Variants in CFAP77 observed in about 807,000 individuals in gnomAD.
The protein encoded by CFAP77 is cilia- and flagella-associated protein 77.
In CFAP77, 25 loss-of-function variants were observed where a neutral mutation model predicts 31.1. The observed-to-expected ratio is 0.80, with a 90% CI of 0.59 to 1.12. CFAP77 has a LOEUF of 1.12. CFAP77 is among the 50% of genes most tolerant of loss of function. The pLI is 0.00. For missense variants in CFAP77, 377 were observed against 397.3 expected (o/e 0.95, Z 0.44); for synonymous variants, 151 against 159.9 (o/e 0.94, Z 0.42).
At position 132,554,946 on chromosome 9, in the gene CFAP77, AT is replaced by A. The variant is rs1311591056; in HGVS notation, c.732+11900del. Among the ~76,000 whole-genome samples the A allele has an allele frequency of 1.2e-5, 1 of 84,966 alleles. No individual in the cohort carries two copies. The highest frequency in any genetic ancestry group is 6.2e-5 in the African/African-American group (1 of 16,222). The allele number at this position is 84,966 out of a possible 152,430, so 55.7% of individuals were successfully genotyped here. A position where few individuals can be genotyped will look rare whatever the true frequency, so the allele number is the denominator to read the frequency against. ...CATGCATCCATCCATCCACCCATCCATCCATCCATCCATCCATCCATCCATC... is the reference window on the plus strand; with the variant it reads ...CATGCATCCATCCATCCACCCATCCACCATCCATCCATCCATCCATCCATC... On this transcript the variant is annotated intron_variant, in intron 5 of 5. Coordinates refer to ENST00000393216, the MANE Select transcript of CFAP77 (RefSeq NM_001282957.2). This position sits in a 1 kb window ranked among gnomAD's most constrained non-coding sequence, Gnocchi z 4.1.
Position 132,552,627 on chromosome 9 carries a change from T to C in CFAP77, c.732+9580T>C, listed in dbSNP as rs1371581972. ...AGGAGAATTGCTTGAACCTGGGAGGTTGAGGTTGCTGTGAGCCGAGATCAC... is the reference window on the plus strand; with the variant it reads ...AGGAGAATTGCTTGAACCTGGGAGGCTGAGGTTGCTGTGAGCCGAGATCAC... On this transcript the variant is annotated intron_variant, in intron 5 of 5. Coordinates refer to ENST00000393216, the MANE Select transcript of CFAP77 (RefSeq NM_001282957.2). This position sits in a 1 kb window ranked among gnomAD's most constrained non-coding sequence, Gnocchi z 5.5. Among the ~76,000 whole-genome samples the C allele has an allele frequency of 1.3e-5, 2 of 149,472 alleles. No individual in the cohort carries two copies. Among genetic ancestry groups the C allele is most frequent in the Non-Finnish European group, 3.0e-5 (2 of 67,360 alleles).
intron 1 of CFAP77, among the ~76,000 whole-genome samples, chr9:132,441,037 T>G (rs1850606981): frequency 6.6e-6 from 1 of 152,142 alleles, no homozygotes; most frequent in East Asian, 1.9e-4. Context: ...ATCACCCTTC[T>G]CTCCTTGCCT....
At chr9:132,544,173 C>A (rs1046370222) in intron 5 of CFAP77, among the ~76,000 whole-genome samples, 2 of 152,254 alleles carry the variant, frequency 1.3e-5, no homozygotes, top group African/African-American at 4.8e-5. Flanking sequence ...CTTGACGCGG[C>A]CTCTCATGTC....
At chr9:132,437,758 G>A (rs1460573585) in intron 1 of CFAP77, among the ~76,000 whole-genome samples, 2 of 151,142 alleles carry the variant, frequency 1.3e-5, no homozygotes, top group African/African-American at 4.9e-5. Context: ...TGATCTGCCC[G>A]TCTTGGGCTC....
Position 132,545,497 on chromosome 9 carries a change from G to A in CFAP77, c.732+2450G>A, listed in dbSNP as rs1011003307. Among the ~76,000 whole-genome samples, 2 of 152,206 alleles carry A rather than the reference G, an allele frequency of 1.3e-5. No individual in the cohort carries two copies. Among genetic ancestry groups the A allele is most frequent in the Non-Finnish European group, 2.9e-5 (2 of 68,044 alleles). The stretch of plus-strand genomic sequence containing the variant: ...TATACTGAGTGTTCGCCTCCTTTCC[G>A]AGGGTATTCGCAGGATGCTGGGAGT... On this transcript the variant is annotated intron_variant, in intron 5 of 5. Coordinates refer to ENST00000393216, the MANE Select transcript of CFAP77 (RefSeq NM_001282957.2). This position sits in a 1 kb window ranked among gnomAD's most constrained non-coding sequence, Gnocchi z 4.6.
chr9:132,410,537 C>T lies in CFAP77; in HGVS notation c.195+71C>T, dbSNP rs897418607. On this transcript the variant is annotated intron_variant, in intron 1 of 5. Transcript: ENST00000393216. The stretch of plus-strand genomic sequence containing the variant: ...GCACCTGCGCCGCCGGGGGTCCCCA[C>T]CCGCAGCGCCCTGGCCCCGCGGCCC... 17 of 1,329,462 alleles carry T rather than the reference C, an allele frequency of 1.3e-5. No individual in the cohort carries two copies. The African/African-American group carries it at 2.4e-4, about 18-fold the overall frequency. 82.4% of individuals were successfully genotyped at this position (1,329,462 alleles called of 1,614,324 possible).
At chr9:132,513,212 C>A in intron 3 of CFAP77, 1 of 1,518,626 alleles carries the variant, frequency 6.6e-7, no homozygotes, top group South Asian at 1.2e-5. Context: ...TGACTCTAGT[C>A]AAGGGAGCAA....
intron 1 of CFAP77, among the ~76,000 whole-genome samples, chr9:132,428,887 G>C (rs1174624521): frequency 2.6e-5 from 4 of 152,056 alleles, no homozygotes; most frequent in Non-Finnish European, 5.9e-5. Flanking sequence ...GGCCCTCTCT[G>C]ACCATTGGCT....
At chr9:132,559,134 G>C (rs1225299605) in intron 5 of CFAP77, among the ~76,000 whole-genome samples, 2 of 152,002 alleles carry the variant, frequency 1.3e-5, no homozygotes, top group African/African-American at 2.4e-5. Context: ...CATGAGGTCA[G>C]GTGATCGAGA....
At chr9:132,453,256 G>A (rs1220756252) in intron 1 of CFAP77, among the ~76,000 whole-genome samples, 1 of 152,222 alleles carries the variant, frequency 6.6e-6, no homozygotes, top group Non-Finnish European at 1.5e-5. Context: ...CGGGCGCAGT[G>A]GCTCACACCT....
chr9:132,471,408 C>T (rs1564216409), intron 1 of CFAP77, among the ~76,000 whole-genome samples: 1 of 152,152 alleles, frequency 6.6e-6, no homozygotes, highest in Admixed American at 6.5e-5. Context: ...TGGGAGAGAA[C>T]TGGGGTCCAT....
rs73659062 is a variant in CFAP77 at position 132,497,745 on chromosome 9, G to A, written c.196-950G>A. Among the ~76,000 whole-genome samples the A allele has an allele frequency of 2.4e-3, 369 of 152,266 alleles. 3 individuals carry two copies. The highest frequency in any genetic ancestry group is 8.6e-3 in the African/African-American group (356 of 41,544). On this transcript the variant is annotated intron_variant, in intron 1 of 5. Transcript: ENST00000393216. The surrounding 1 kb of genome is among the most constrained non-coding windows in gnomAD (Gnocchi z 4.9). ...TGCCTCACTGCGCAGCTATGCAGAC[G>A]GCATGAGGGAAGGCCAGGGAGCCCC...
At position 132,480,031 on chromosome 9, in the gene CFAP77, G is replaced by A. The variant is rs369064494; in HGVS notation, c.196-18664G>A. Among the ~76,000 whole-genome samples the A allele has an allele frequency of 2.6e-4, 39 of 152,312 alleles. No homozygotes were observed. In the East Asian group the frequency reaches 5.4e-3, roughly 21 times the overall value. Reference sequence around the variant, plus strand: ...GGCTCTGGATGACACGGATGGAGACGCGCTCCAGATAGGAAATGGCAGAGC... The same window carrying A: ...GGCTCTGGATGACACGGATGGAGACACGCTCCAGATAGGAAATGGCAGAGC... On this transcript the variant is annotated intron_variant, in intron 1 of 5. Coordinates refer to ENST00000393216, the MANE Select transcript of CFAP77 (RefSeq NM_001282957.2). This position sits in a 1 kb window ranked among gnomAD's most constrained non-coding sequence, Gnocchi z 5.8.
chr9:132,537,070 A>G (rs565654910), intron 3 of CFAP77, among the ~76,000 whole-genome samples: 2 of 152,320 alleles, frequency 1.3e-5, no homozygotes, highest in Admixed American at 6.5e-5. Flanking sequence ...AACTGAGTTC[A>G]GTTCCAGATA....
chr9:132,529,839 A>AAAG (rs777361574), intron 3 of CFAP77, among the ~76,000 whole-genome samples: 9,789 of 144,920 alleles, frequency 0.068, 440 homozygotes, highest in South Asian at 0.12. Context: ...AAAAAAAAAG[A>AAAG]AAAGAAAAGA....
chr9:132,486,090 ATTTTTT>A (rs1178281920), intron 1 of CFAP77, among the ~76,000 whole-genome samples: 2 of 15,356 alleles, frequency 1.3e-4, no homozygotes, highest in African/African-American at 4.3e-4. Flanking sequence ...ATATATATAT[ATTTTTT>A]TTTTTTTTTT....
Position 132,486,066 on chromosome 9 carries a change from G to GTATA in CFAP77, c.196-12607_196-12604dup, listed in dbSNP as rs1368429138. ...TGTATGTATATGTATGTGTGTGTGT[G>GTATA]TATATATATATATATATATATATAT... is the stretch of plus-strand genomic sequence containing the variant. On this transcript the variant is annotated intron_variant, in intron 1 of 5. Coordinates refer to ENST00000393216, the MANE Select transcript of CFAP77 (RefSeq NM_001282957.2). Among the ~76,000 whole-genome samples the GTATA allele has an allele frequency of 1.5e-3, 25 of 16,340 alleles. 3 individuals carry two copies. The African/African-American group carries it at 0.015, about 10-fold the overall frequency. The allele number at this position is 16,340 out of a possible 152,430, so 10.7% of individuals were successfully genotyped here. A position where few individuals can be genotyped will look rare whatever the true frequency, so the allele number is the denominator to read the frequency against.
intron 1 of CFAP77, among the ~76,000 whole-genome samples, chr9:132,439,706 G>A (rs1321511817): frequency 2.6e-5 from 4 of 152,080 alleles, no homozygotes; most frequent in African/African-American, 4.8e-5. Flanking sequence ...AAAATTAGCC[G>A]GGCGTGGTGG....
At chr9:132,516,036 C>G (rs1365963151) in intron 3 of CFAP77, among the ~76,000 whole-genome samples, 1 of 152,132 alleles carries the variant, frequency 6.6e-6, no homozygotes, top group Non-Finnish European at 1.5e-5. Flanking sequence ...CTGTGTAAGG[C>G]TATAGGGAGT....
Sources: gnomAD v4.1 joint callset for allele counts (sites outside exome capture counted in the v4.1 genomes callset) on GRCh38, gnomAD v4.1.1 for gene constraint, Gnocchi (gnomAD v3.1) non-coding constraint, MANE v1.5 for transcripts, NCBI Gene and HGNC (gene_info 2026-07-23, HGNC 2026-07-21) for gene names.